The following ARL15 variants were observed in gnomAD, a reference collection of about 807,000 sequenced individuals.
The protein encoded by ARL15 is ARF like GTPase 15.
In ARL15, 19 loss-of-function variants were observed where a neutral mutation model predicts 25.2. That is an observed-to-expected ratio of 0.75 (90% CI 0.53 to 1.10). The LOEUF (loss-of-function observed/expected upper bound fraction) is 1.10. Ranked by LOEUF, ARL15 falls within the 50% of genes least tolerant of loss-of-function variation. The pLI is 0.00. For synonymous variants in ARL15, 94 were observed against 86.8 expected (o/e 1.08, Z -0.46); for missense variants, 220 against 246.0 (o/e 0.89, Z 0.71).
chr5:53,949,565 T>C (rs909277314), intron 4 of ARL15, among the ~76,000 whole-genome samples: 2 of 152,174 alleles, frequency 1.3e-5, no homozygotes, highest in Non-Finnish European at 2.9e-5. Flanking sequence ...CACCTTTTAC[T>C]CAAAATACAG....
intron 1 of ARL15, among the ~76,000 whole-genome samples, chr5:54,189,196 C>A (rs1384064621): frequency 2.0e-5 from 3 of 152,042 alleles, no homozygotes; most frequent in African/African-American, 7.2e-5. Context: ...GAAACACATC[C>A]CATGTTCATG....
At chr5:54,073,200 C>T (rs556465756) in intron 4 of ARL15, among the ~76,000 whole-genome samples, 23 of 152,304 alleles carry the variant, frequency 1.5e-4, no homozygotes, top group African/African-American at 5.5e-4. Context: ...ATCTGGATTA[C>T]TTTTGGCAAG....
intron 1 of ARL15, among the ~76,000 whole-genome samples, chr5:54,250,196 C>A (rs960908915): frequency 2.0e-5 from 3 of 152,030 alleles, no homozygotes; most frequent in African/African-American, 7.3e-5. Flanking sequence ...CTTTAAACAA[C>A]CAGATTTCCT....
At chr5:54,092,271 C>T (rs149799094) in intron 4 of ARL15, among the ~76,000 whole-genome samples, 2,783 of 152,174 alleles carry the variant, frequency 0.018, 32 homozygotes, top group Non-Finnish European at 0.028. Context: ...TGTCAATACC[C>T]TCAGGTGATG....
chr5:54,202,905 C>G (rs566070747), intron 1 of ARL15, among the ~76,000 whole-genome samples: 1 of 152,106 alleles, frequency 6.6e-6, no homozygotes, highest in Admixed American at 6.5e-5. Context: ...TCTGATGTGC[C>G]AGAATATATC....
intron 1 of ARL15, among the ~76,000 whole-genome samples, chr5:54,181,480 G>T (rs1223121285): frequency 6.6e-6 from 1 of 152,136 alleles, no homozygotes; most frequent in Non-Finnish European, 1.5e-5. Flanking sequence ...AGAAACTAAT[G>T]CATTTTACAG....
chr5:53,939,459 G>A (rs982657587), intron 4 of ARL15, among the ~76,000 whole-genome samples: 9 of 152,250 alleles, frequency 5.9e-5, no homozygotes, highest in Admixed American at 2.0e-4. Flanking sequence ...ATGCTGGGCC[G>A]GGCGCGATGG....
At chr5:54,043,826 C>T (rs1364716649) in intron 4 of ARL15, among the ~76,000 whole-genome samples, 1 of 148,422 alleles carries the variant, frequency 6.7e-6, no homozygotes, top group African/African-American at 2.5e-5. Context: ...GCCTCGGGAA[C>T]ATGGCAAGAC....
intron 4 of ARL15, among the ~76,000 whole-genome samples, chr5:54,090,878 C>T (rs755732598): frequency 2.0e-5 from 3 of 152,170 alleles, no homozygotes; most frequent in East Asian, 1.9e-4. Context: ...CAAGACATCA[C>T]GCTTAGGGCT....
chr5:53,913,783 A>G (rs1322002003), intron 4 of ARL15, among the ~76,000 whole-genome samples: 1 of 152,112 alleles, frequency 6.6e-6, no homozygotes, highest in African/African-American at 2.4e-5. Flanking sequence ...CTCAATCTCT[A>G]ATCACAATAG....
In ARL15 at chr5:53,997,196, T is replaced by C. The variant is rs996441467; in HGVS notation, c.463-110483A>G. Reference sequence around the variant, plus strand: ...TTCACAAAAACCTTTCAAACTTTTTTCTCCAAATAATCTGTCTTCTTCTTT... The same window carrying C: ...TTCACAAAAACCTTTCAAACTTTTTCCTCCAAATAATCTGTCTTCTTCTTT... On this transcript the variant is annotated intron_variant, in intron 4 of 4. Coordinates refer to ENST00000504924, the MANE Select transcript of ARL15 (RefSeq NM_019087.3). Among the ~76,000 whole-genome samples the C allele has an allele frequency of 7.9e-5, 12 of 152,312 alleles. No individual in the cohort carries two copies. In the East Asian group the frequency reaches 2.3e-3, roughly 29 times the overall value.
intron 3 of ARL15, among the ~76,000 whole-genome samples, chr5:54,132,838 C>T (rs1261472537): frequency 6.6e-6 from 1 of 152,112 alleles, no homozygotes; most frequent in African/African-American, 2.4e-5. Flanking sequence ...CTTTGTTTTG[C>T]TGGGTTTTAG....
At chr5:53,917,031 T>C (rs1745674342) in intron 4 of ARL15, among the ~76,000 whole-genome samples, 1 of 152,240 alleles carries the variant, frequency 6.6e-6, no homozygotes, top group Non-Finnish European at 1.5e-5. Flanking sequence ...ACAACAGTTT[T>C]CATTTTCTTT....
rs3776653 is a variant in ARL15 at position 54,260,630 on chromosome 5, C to A, written c.48+49802G>T. ...GAAATAAAAGTCCTACTGGTTTCAA[C>A]CCTGATTTGAAAAAATTCTTTATAT... On this transcript the variant is annotated intron_variant, in intron 1 of 4. Coordinates refer to ENST00000504924, the MANE Select transcript of ARL15 (RefSeq NM_019087.3). Among the ~76,000 whole-genome samples, 255 of 152,260 alleles carry A rather than the reference C, an allele frequency of 1.7e-3. 7 individuals carry two copies. In the East Asian group the frequency reaches 0.043, roughly 26 times the overall value.
chr5:53,994,233 A>T lies in ARL15; in HGVS notation c.463-107520T>A, dbSNP rs568210529. On this transcript the variant is annotated intron_variant, in intron 4 of 4. Coordinates refer to ENST00000504924, the MANE Select transcript of ARL15 (RefSeq NM_019087.3). ...ACATTTAAGAAAAATATAGCAAAAAACCTAGAAGCCTTCTCCAGTGCCAAA... is the reference window on the plus strand; with the variant it reads ...ACATTTAAGAAAAATATAGCAAAAATCCTAGAAGCCTTCTCCAGTGCCAAA... Among the ~76,000 whole-genome samples, 203 of 152,326 alleles carry T rather than the reference A, an allele frequency of 1.3e-3. 1 individual carries two copies. Among genetic ancestry groups the T allele is most frequent in the African/African-American group, 4.7e-3 (196 of 41,564 alleles).
rs184630898 is a variant in ARL15 at position 54,042,348 on chromosome 5, A to G, written c.462+70854T>C. 6.8e-4 allele frequency among the ~76,000 whole-genome samples: 103 copies of G among 152,352 alleles called. 4 individuals carry two copies. The East Asian group carries it at 0.012, about 18-fold the overall frequency. On this transcript the variant is annotated intron_variant, in intron 4 of 4. Transcript: ENST00000504924. ...TTTCCTAATAAGTAGTATGCTTCATATCATGAAAATGTTCTAGGTAATGTG... is the reference window on the plus strand; with the variant it reads ...TTTCCTAATAAGTAGTATGCTTCATGTCATGAAAATGTTCTAGGTAATGTG...
intron 4 of ARL15, among the ~76,000 whole-genome samples, chr5:54,093,909 T>C (rs1752206883): frequency 6.6e-6 from 1 of 152,180 alleles, no homozygotes; most frequent in Non-Finnish European, 1.5e-5. Flanking sequence ...TAAATATAAT[T>C]TATGTGCATG....
chr5:54,113,120 T>G, intron 4 of ARL15, 82 bp downstream of exon 4: 2 of 1,347,104 alleles, frequency 1.5e-6, no homozygotes, highest in Non-Finnish European at 2.1e-6. Context: ...CATTCCTAAT[T>G]ACATGCATTT....
rs1751787989 is a variant in ARL15 at position 54,081,199 on chromosome 5, A to G, written c.462+32003T>C. 2.6e-5 allele frequency among the ~76,000 whole-genome samples: 4 copies of G among 152,208 alleles called. No homozygotes were observed. In the South Asian group the frequency reaches 8.3e-4, roughly 31 times the overall value. On this transcript the variant is annotated intron_variant, in intron 4 of 4. Coordinates refer to ENST00000504924, the MANE Select transcript of ARL15 (RefSeq NM_019087.3). ...TATGTCATTCATGAAAGTATGCGTT[A>G]TATAAAGGATTTTTGTGTCAAGTTA...
Sources: allele counts gnomAD v4.1 joint callset (sites outside exome capture counted in the v4.1 genomes callset), GRCh38; gene constraint gnomAD v4.1.1; transcripts MANE v1.5; gene names NCBI Gene and HGNC (gene_info 2026-07-23, HGNC 2026-07-21).